The following ALDH2 variants were observed in gnomAD, a reference collection of about 807,000 sequenced individuals.
ALDH2 encodes the protein aldehyde dehydrogenase, mitochondrial.
In ALDH2, 44 loss-of-function variants were observed where a neutral mutation model predicts 59.6. The ratio of observed to expected loss-of-function variants is 0.74; its 90% confidence interval spans 0.58 to 0.95. ALDH2 has a LOEUF of 0.95. Ranked by LOEUF, ALDH2 falls within the 40% of genes least tolerant of loss-of-function variation. The pLI is 0.00. For missense variants in ALDH2, 570 were observed against 696.3 expected, an observed-to-expected ratio of 0.82 and a Z score of 2.04; for synonymous variants, 291 against 284.0, an observed-to-expected ratio of 1.02 and a Z score of -0.25.
chr12:111,768,343 T>C (rs1472293899), intron 1 of ALDH2, among the ~76,000 whole-genome samples: 1 of 152,214 alleles, frequency 6.6e-6, no homozygotes, highest in Middle Eastern at 3.2e-3. Context: ...GGTCTGGCCC[T>C]GAGTGTGGCT....
At chr12:111,793,360 C>T (rs769751150) in intron 9 of ALDH2, among the ~76,000 whole-genome samples, 16 of 152,224 alleles carry the variant, frequency 1.1e-4, no homozygotes, top group Admixed American at 7.9e-4. Flanking sequence ...GCTGGGATTA[C>T]AGACATGAAC....
chr12:111,788,288 C>T (rs558548685), intron 4 of ALDH2, among the ~76,000 whole-genome samples: 2 of 152,266 alleles, frequency 1.3e-5, no homozygotes, highest in African/African-American at 2.4e-5. Flanking sequence ...CACGCCTCCC[C>T]GGGGACACTG....
chr12:111,803,180 A>G (rs1399399867), intron 11 of ALDH2, among the ~76,000 whole-genome samples: 3 of 151,496 alleles, frequency 2.0e-5, no homozygotes, highest in Non-Finnish European at 4.4e-5. Flanking sequence ...GTGAAACTCC[A>G]TCTCAAAAAA....
At chr12:111,802,860 A>G (rs1009828606) in intron 11 of ALDH2, among the ~76,000 whole-genome samples, 1 of 146,264 alleles carries the variant, frequency 6.8e-6, no homozygotes, top group Non-Finnish European at 1.5e-5. Context: ...AGCCAGGGCG[A>G]CGGAGCGAGA....
At chr12:111,767,251 C>A (rs1250640807) in intron 1 of ALDH2, among the ~76,000 whole-genome samples, 155 bp downstream of exon 1, 1 of 152,196 alleles carries the variant, frequency 6.6e-6, no homozygotes, top group Non-Finnish European at 1.5e-5. Flanking sequence ...CCCCTCCTCT[C>A]CTGCAAGCAT....
At chr12:111,787,274 A>T (rs968336518) in intron 4 of ALDH2, among the ~76,000 whole-genome samples, 2 of 152,146 alleles carry the variant, frequency 1.3e-5, no homozygotes, top group Non-Finnish European at 2.9e-5. Context: ...GAGGTCTCTA[A>T]TGCAAAAGGC....
At chr12:111,777,899 G>A (rs758806709) in intron 1 of ALDH2, among the ~76,000 whole-genome samples, 2 of 152,130 alleles carry the variant, frequency 1.3e-5, no homozygotes, top group Non-Finnish European at 2.9e-5. Context: ...AACCACACAA[G>A]CACGCCTCCA....
rs778557236 is a variant in ALDH2 at position 111,792,826 on chromosome 12, A to C, written c.1083+44A>C. ...CAGGGTCTGGGTGTCTAGAGCCAGC[A>C]TGAGAAGCAGAGAGGGCATCGGGCT... is the stretch of plus-strand genomic sequence containing the variant. On this transcript the variant is annotated intron_variant, in intron 9 of 12. Coordinates refer to ENST00000261733, the MANE Select transcript of ALDH2 (RefSeq NM_000690.4). 3.3e-6 allele frequency: 5 copies of C among 1,523,402 alleles called. No individual in the cohort carries two copies. In the African/African-American group the frequency reaches 4.1e-5, roughly 13 times the overall value. 94.4% of individuals were successfully genotyped at this position (1,523,402 alleles called of 1,614,324 possible).
Position 111,784,705 on chromosome 12 carries a change from C to T in ALDH2, c.361-562C>T, listed in dbSNP as rs555529565. Reference sequence around the variant, plus strand: ...TCTCGGCTCACTGCAACCTCTACCTCCCAAGTTCAAGCAATTCTCCTGCCT... The same window carrying T: ...TCTCGGCTCACTGCAACCTCTACCTTCCAAGTTCAAGCAATTCTCCTGCCT... On this transcript the variant is annotated intron_variant, in intron 3 of 12. Transcript: ENST00000261733. 5.3e-5 allele frequency among the ~76,000 whole-genome samples: 8 copies of T among 152,296 alleles called. No homozygotes were observed. The South Asian group carries it at 1.4e-3, about 28-fold the overall frequency.
chr12:111,803,213 T>C (rs1023973511), intron 11 of ALDH2, among the ~76,000 whole-genome samples: 5 of 143,988 alleles, frequency 3.5e-5, no homozygotes, highest in Admixed American at 1.4e-4. Context: ...ATAATAATAA[T>C]AAATAAAAAT....
At position 111,792,663 on chromosome 12, in the gene ALDH2, G is replaced by A. The variant is rs1407144139; in HGVS notation, c.964G>A (p.Gly322Ser). The A allele has an allele frequency of 5.0e-6, 8 of 1,611,950 alleles. No homozygotes were observed. Among genetic ancestry groups the A allele is most frequent in the South Asian group, 1.1e-5 (1 of 90,618 alleles). ...CAACCAGGGCCAGTGCTGCTGTGCC[G>A]GCTCCCGGACCTTCGTGCAGGAGGA... Reference protein sequence around the residue: ...FFNQGQCCCAGSRTFVQEDIY... With the variant: ...FFNQGQCCCASSRTFVQEDIY... The change falls in exon 9 of 13, where the codon GGC becomes AGC. Residue 322 changes from glycine to serine, a missense_variant. Gly to Ser is a moderately conservative substitution (Grantham distance 56, BLOSUM62 0). Coordinates refer to ENST00000261733, the MANE Select transcript of ALDH2 (RefSeq NM_000690.4).
At chr12:111,771,312 G>A (rs2068198172) in intron 1 of ALDH2, among the ~76,000 whole-genome samples, 1 of 152,086 alleles carries the variant, frequency 6.6e-6, no homozygotes, top group African/African-American at 2.4e-5. Context: ...CAGGAGGATT[G>A]CTTGAGCCAA....
intron 8 of ALDH2, 115 bp downstream of exon 8, chr12:111,792,278 CG>C: frequency 1.2e-6 from 1 of 855,446 alleles, no homozygotes; most frequent in Non-Finnish European, 1.8e-6. Flanking sequence ...TGCTGTCCCT[CG>C]GGCCTCAGGA....
At chr12:111,799,175 T>G (rs1191261850) in intron 10 of ALDH2, among the ~76,000 whole-genome samples, 1 of 151,000 alleles carries the variant, frequency 6.6e-6, no homozygotes, top group Non-Finnish European at 1.5e-5. Context: ...TTTTTTCTCT[T>G]CTCGTTTTGA....
intron 12 of ALDH2, among the ~76,000 whole-genome samples, chr12:111,805,514 G>A (rs1224046395): frequency 6.6e-6 from 1 of 152,074 alleles, no homozygotes; most frequent in Non-Finnish European, 1.5e-5. Context: ...TTGTAGAGAT[G>A]GGGTCTCACT....
intron 11 of ALDH2, among the ~76,000 whole-genome samples, chr12:111,802,536 G>A (rs575231682): frequency 2.6e-5 from 4 of 151,776 alleles, no homozygotes; most frequent in South Asian, 2.1e-4. Flanking sequence ...AGCCGAGATC[G>A]CACCACTGCA....
chr12:111,788,597 T>C (rs181199019), intron 4 of ALDH2, among the ~76,000 whole-genome samples: 19 of 152,192 alleles, frequency 1.2e-4, no homozygotes, highest in Admixed American at 2.6e-4. Flanking sequence ...ACACATGTCA[T>C]GTAGACTGTG....
In ALDH2 at chr12:111,816,399, T is replaced by C. The variant is rs941870762; in HGVS notation, c.*6824T>C. Reference sequence around the variant, plus strand: ...TCACAAGATTGCATTCTTTGAACAGTAGGCTCTAGATGTCTCAGTAGATAA... The same window carrying C: ...TCACAAGATTGCATTCTTTGAACAGCAGGCTCTAGATGTCTCAGTAGATAA... On this transcript the variant is annotated 3_prime_UTR_variant, in exon 13 of 13. Coordinates refer to ENST00000261733, the MANE Select transcript of ALDH2 (RefSeq NM_000690.4). 8.5e-5 allele frequency: 13 copies of C among 152,160 alleles called. No homozygotes were observed. The highest frequency in any genetic ancestry group is 1.5e-4 in the Non-Finnish European group (10 of 68,016). The allele number at this position is 152,160 out of a possible 1,614,324, so 9.4% of individuals were successfully genotyped here.
intron 1 of ALDH2, among the ~76,000 whole-genome samples, chr12:111,772,508 G>A (rs2068207010): frequency 6.6e-6 from 1 of 151,932 alleles, no homozygotes; most frequent in African/African-American, 2.4e-5. Context: ...GGGATTACGG[G>A]TGCCGCCACC....
Sources: allele counts gnomAD v4.1 joint callset (sites outside exome capture counted in the v4.1 genomes callset), GRCh38; gene constraint gnomAD v4.1.1; transcripts MANE v1.5; gene names NCBI Gene and HGNC (gene_info 2026-07-23, HGNC 2026-07-21).